Variants in GPM6A observed in about 807,000 individuals in gnomAD.
GPM6A encodes neuronal membrane glycoprotein M6-a.
In GPM6A, 7 loss-of-function variants were observed where a neutral mutation model predicts 32.1. That is an observed-to-expected ratio of 0.22 (90% CI 0.12 to 0.41). The LOEUF (loss-of-function observed/expected upper bound fraction) is 0.41, where lower values mean the gene tolerates loss of function less well. GPM6A is among the 10% of genes least tolerant of loss of function. GPM6A has a pLI of 1.00. For synonymous variants in GPM6A, 130 were observed against 123.4 expected (o/e 1.05, Z -0.35); for missense variants, 235 against 347.2 (o/e 0.68, Z 2.57).
intron 1 of GPM6A, among the ~76,000 whole-genome samples, chr4:175,827,734 G>T (rs1320812420): frequency 6.6e-6 from 1 of 152,152 alleles, no homozygotes; most frequent in Admixed American, 6.5e-5. Flanking sequence ...AGCCAGCCCT[G>T]TTCATCCTCC....
intron 1 of GPM6A, among the ~76,000 whole-genome samples, chr4:175,992,849 A>G (rs1741193178): frequency 2.6e-5 from 4 of 152,220 alleles, no homozygotes; most frequent in Admixed American, 1.3e-4. Flanking sequence ...ACAATTTAAA[A>G]CAGTCAAGAA....
chr4:175,694,809 C>T (rs1344734088), intron 2 of GPM6A, among the ~76,000 whole-genome samples: 1 of 152,132 alleles, frequency 6.6e-6, no homozygotes, highest in Non-Finnish European at 1.5e-5. Flanking sequence ...GGGGAATAGG[C>T]CTCAAAGGCA....
At chr4:175,907,760 C>A (rs989868011) in intron 1 of GPM6A, among the ~76,000 whole-genome samples, 1 of 152,126 alleles carries the variant, frequency 6.6e-6, no homozygotes, top group Non-Finnish European at 1.5e-5. Context: ...ACTTTATATC[C>A]AATCTTTATG....
intron 1 of GPM6A, among the ~76,000 whole-genome samples, chr4:175,892,205 C>A (rs1737669769): frequency 6.6e-6 from 1 of 152,212 alleles, no homozygotes; most frequent in Non-Finnish European, 1.5e-5. Flanking sequence ...ATATCACAGT[C>A]ATTTATTATT....
intron 1 of GPM6A, among the ~76,000 whole-genome samples, chr4:175,886,369 G>A (rs1297112833): frequency 6.6e-6 from 1 of 152,104 alleles, no homozygotes; most frequent in African/African-American, 2.4e-5. Context: ...TAAAATGTTG[G>A]GAGAAAATAA....
At chr4:175,848,490 G>C (rs1325485216) in intron 1 of GPM6A, among the ~76,000 whole-genome samples, 1 of 152,050 alleles carries the variant, frequency 6.6e-6, no homozygotes, top group Non-Finnish European at 1.5e-5. Flanking sequence ...GAAAATTCTG[G>C]AGGTAAAGAG....
intron 2 of GPM6A, among the ~76,000 whole-genome samples, chr4:175,685,340 C>G (rs1743919461): frequency 6.6e-6 from 1 of 152,066 alleles, no homozygotes; most frequent in African/African-American, 2.4e-5. Context: ...TGAAGAATAC[C>G]TTTTCATTTG....
At chr4:175,985,677 T>C (rs148924177) in intron 1 of GPM6A, among the ~76,000 whole-genome samples, 4 of 152,220 alleles carry the variant, frequency 2.6e-5, no homozygotes, top group Non-Finnish European at 5.9e-5. Flanking sequence ...CCATTAAATA[T>C]AATGTTACTT....
intron 1 of GPM6A, among the ~76,000 whole-genome samples, chr4:175,722,606 G>A (rs539655893): frequency 1.3e-5 from 2 of 152,194 alleles, no homozygotes; most frequent in African/African-American, 4.8e-5. Context: ...CAACCTGTGA[G>A]TGGACCTTTT....
At chr4:175,651,762 T>C (rs1741819330) in intron 4 of GPM6A, 72 bp downstream of exon 4, 10 of 1,144,032 alleles carry the variant, frequency 8.7e-6, no homozygotes, top group Non-Finnish European at 1.3e-5. Context: ...TCTATAATAT[T>C]TTAGAGGCAG....
At chr4:175,820,499 T>C (rs1735240625) in intron 1 of GPM6A, among the ~76,000 whole-genome samples, 1 of 74,006 alleles carries the variant, frequency 1.4e-5, no homozygotes, top group Non-Finnish European at 2.8e-5. Flanking sequence ...TTCTTTTCTT[T>C]CTTTTTTTTT....
intron 1 of GPM6A, among the ~76,000 whole-genome samples, chr4:175,999,509 C>T (rs59118816): frequency 0.19 from 29,102 of 150,762 alleles, 3,381 homozygotes; most frequent in African/African-American, 0.32. Flanking sequence ...TTGCAATTTG[C>T]CTACTTTGCA....
chr4:175,844,643 G>T (rs1290064578), intron 1 of GPM6A, among the ~76,000 whole-genome samples: 1 of 152,104 alleles, frequency 6.6e-6, no homozygotes, highest in Non-Finnish European at 1.5e-5. Context: ...AGCTCAGGAA[G>T]ACCTTAGTGA....
intron 1 of GPM6A, among the ~76,000 whole-genome samples, chr4:175,728,926 T>G (rs1442063731): frequency 6.6e-6 from 1 of 152,176 alleles, no homozygotes; most frequent in African/African-American, 2.4e-5. Context: ...AGTATAAATA[T>G]CTGAGCTTCT....
At chr4:175,861,988 A>G (rs974326962) in intron 1 of GPM6A, among the ~76,000 whole-genome samples, 8 of 152,294 alleles carry the variant, frequency 5.3e-5, no homozygotes, top group African/African-American at 1.7e-4. Context: ...TACTCTGTTA[A>G]TCTAAAATTA....
At chr4:175,909,673 C>T (rs554530897) in intron 1 of GPM6A, among the ~76,000 whole-genome samples, 4 of 152,090 alleles carry the variant, frequency 2.6e-5, no homozygotes, top group South Asian at 2.1e-4. Context: ...AGAGCAATAA[C>T]GAGAATTCAA....
At chr4:175,991,525 T>C (rs1017445374) in intron 1 of GPM6A, among the ~76,000 whole-genome samples, 7 of 152,190 alleles carry the variant, frequency 4.6e-5, no homozygotes, top group African/African-American at 1.7e-4. Flanking sequence ...GAAAATTCCC[T>C]GAGTATCCAG....
chr4:175,796,677 C>A (rs1396742667), intron 1 of GPM6A, among the ~76,000 whole-genome samples: 1 of 152,124 alleles, frequency 6.6e-6, no homozygotes, highest in Non-Finnish European at 1.5e-5. Context: ...TGTTGTTTTA[C>A]CAAATTTGGA....
intron 1 of GPM6A, among the ~76,000 whole-genome samples, chr4:175,749,667 A>G (rs937774745): frequency 6.6e-6 from 1 of 152,172 alleles, no homozygotes; most frequent in African/African-American, 2.4e-5. Context: ...CCCCATAACC[A>G]CATATTTCTG....
Sources: allele counts gnomAD v4.1 joint callset (sites outside exome capture counted in the v4.1 genomes callset), GRCh38; gene constraint gnomAD v4.1.1; transcripts MANE v1.5; gene names NCBI Gene and HGNC (gene_info 2026-07-23, HGNC 2026-07-21).